The following TTC13 variants were observed in gnomAD, a reference collection of about 807,000 sequenced individuals.
TTC13 encodes tetratricopeptide repeat protein 13.
In TTC13, 62 loss-of-function variants were observed where a neutral mutation model predicts 120.0. The observed-to-expected ratio is 0.52, with a 90% CI of 0.42 to 0.64. The LOEUF (loss-of-function observed/expected upper bound fraction) is 0.64, where lower values mean the gene tolerates loss of function less well. Among genes scored for constraint, TTC13 ranks in the 30% least tolerant of loss-of-function variants. The pLI is 0.00. For synonymous variants in TTC13, 384 were observed against 393.5 expected, an observed-to-expected ratio of 0.98 and a Z score of 0.28; for missense variants, 824 against 1,050.2, an observed-to-expected ratio of 0.78 and a Z score of 2.98.
chr1:230,934,760 CT>C (rs1374348666), intron 8 of TTC13, among the ~76,000 whole-genome samples: 1 of 152,214 alleles, frequency 6.6e-6, no homozygotes, highest in Non-Finnish European at 1.5e-5. Context: ...GCATCATGAT[CT>C]CTAATCGCTT....
chr1:230,928,915 C>A (rs770523454), intron 12 of TTC13, 22 bp downstream of exon 12: 3 of 1,610,656 alleles, frequency 1.9e-6, no homozygotes, highest in African/African-American at 1.3e-5. Context: ...AAAAAAAAAT[C>A]ATCTTCATTT....
intron 22 of TTC13, 37 bp downstream of exon 22, chr1:230,908,675 T>C: frequency 6.4e-7 from 1 of 1,572,380 alleles, no homozygotes; most frequent in Middle Eastern, 1.7e-4. Context: ...CTCCTCCAGT[T>C]ATGATACCCT....
intron 17 of TTC13, among the ~76,000 whole-genome samples, chr1:230,919,929 C>G (rs1047006648): frequency 2.6e-5 from 4 of 152,210 alleles, no homozygotes; most frequent in Non-Finnish European, 4.4e-5. Context: ...TGACCAAGGT[C>G]TTAGTCAAGG....
At chr1:230,914,479 C>A (rs1284289407) in intron 18 of TTC13, among the ~76,000 whole-genome samples, 3 of 152,086 alleles carry the variant, frequency 2.0e-5, no homozygotes, top group African/African-American at 7.2e-5. Context: ...ACTGCAACCT[C>A]CCCGTCATGG....
intron 4 of TTC13, among the ~76,000 whole-genome samples, chr1:230,949,804 C>A (rs556554606): frequency 6.6e-6 from 1 of 152,154 alleles, no homozygotes; most frequent in African/African-American, 2.4e-5. Context: ...AGCCACCATG[C>A]CCAGCTAATT....
At chr1:230,909,931 C>T (rs938673203) in intron 20 of TTC13, among the ~76,000 whole-genome samples, 1 of 152,118 alleles carries the variant, frequency 6.6e-6, no homozygotes, top group Admixed American at 6.5e-5. Context: ...TGTGCTTCTG[C>T]TCTTGGTGAG....
At chr1:230,928,893 T>C (rs1433038899) in intron 12 of TTC13, 44 bp downstream of exon 12, 1 of 1,603,600 alleles carries the variant, frequency 6.2e-7, no homozygotes, top group Non-Finnish European at 8.5e-7. Flanking sequence ...TATAGCTCAG[T>C]TTTGAGAAAG....
At chr1:230,918,518 G>C (rs1462175751) in intron 17 of TTC13, among the ~76,000 whole-genome samples, 1 of 152,142 alleles carries the variant, frequency 6.6e-6, no homozygotes, top group Non-Finnish European at 1.5e-5. Flanking sequence ...TTTAGGAGGT[G>C]AGACATATTC....
chr1:230,962,431 T>A (rs1676732224), intron 1 of TTC13, among the ~76,000 whole-genome samples: 1 of 151,992 alleles, frequency 6.6e-6, no homozygotes, highest in Non-Finnish European at 1.5e-5. Flanking sequence ...AGGATGGCTA[T>A]AACCAAAAAG....
Position 230,929,085 on chromosome 1 carries a change from G to T in TTC13, c.1309C>A (p.Arg437=), listed in dbSNP as rs773412202. The T allele has an allele frequency of 6.8e-6, 11 of 1,613,496 alleles. No individual in the cohort carries two copies. In the South Asian group the frequency reaches 1.2e-4, roughly 18 times the overall value. ...GTATCAAGGTGTGCATGAAGATATC[G>T]AGAATACTCTGCAGAAAGGAAATGA... The part of the protein sequence containing the change: ...LKVKYLREYS[R]YLHAHLDTPL... The change falls in exon 12 of 23, where the codon CGA becomes AGA. Residue 437 remains arginine, a synonymous_variant. Coordinates refer to ENST00000366661, the MANE Select transcript of TTC13 (RefSeq NM_024525.5).
intron 3 of TTC13, among the ~76,000 whole-genome samples, chr1:230,954,644 A>G (rs1377551889): frequency 6.6e-6 from 1 of 152,214 alleles, no homozygotes; most frequent in Non-Finnish European, 1.5e-5. Flanking sequence ...ATATCTGCCT[A>G]CAAGAGATAC....
intron 4 of TTC13, 89 bp downstream of exon 4, chr1:230,954,242 CAT>C: frequency 2.3e-6 from 2 of 863,482 alleles, no homozygotes; most frequent in Non-Finnish European, 3.7e-6. Context: ...AATTTAAAAA[CAT>C]GTCGTATTAC....
intron 20 of TTC13, 151 bp downstream of exon 20, chr1:230,911,319 G>A (rs896017363): frequency 2.6e-5 from 14 of 537,316 alleles, no homozygotes; most frequent in Non-Finnish European, 3.9e-5. Context: ...ATAGACTAAG[G>A]AAATATTTTT....
At chr1:230,916,407 C>T in intron 17 of TTC13, 105 bp from the exon 18 acceptor site, 1 of 847,428 alleles carries the variant, frequency 1.2e-6, no homozygotes, top group Non-Finnish European at 2.0e-6. Flanking sequence ...TAAAAAGGGC[C>T]AAGGAGGTCA....
rs750974366 is a variant in TTC13, at chr1:230,908,737, C to A, written c.2443G>T (p.Ala815Ser). The change falls in exon 22 of 23, where the codon GCC becomes TCC. Residue 815 changes from alanine (A) to serine (S), a missense_variant. By Grantham distance (99) the Ala-to-Ser change is moderately conservative (BLOSUM62 1). Around this residue, in one of 4 missense-constraint regions of TTC13, gnomAD observed 226 missense variants for 259.1 expected, o/e 0.87. Transcript: ENST00000366661. ...CTTTTCAAGTTCATCCAGCTTTTGGCGACTTTGCTAAAGGCCTCTGAACCA... is the reference window on the plus strand; with the variant it reads ...CTTTTCAAGTTCATCCAGCTTTTGGAGACTTTGCTAAAGGCCTCTGAACCA... ...APGSEAFSKV[A>S]KSWMNLKSIS... 16 of 1,613,318 alleles carry A rather than the reference C, an allele frequency of 9.9e-6. No homozygotes were observed. Among genetic ancestry groups the A allele is most frequent in the Non-Finnish European group, 1.2e-5 (14 of 1,179,446 alleles).
chr1:230,948,434 T>G (rs12564991), intron 4 of TTC13, among the ~76,000 whole-genome samples: 57,856 of 139,640 alleles, frequency 0.41, 13,529 homozygotes, highest in Admixed American at 0.53. Context: ...TCTAAATGGC[T>G]CTGCAGAAAA....
At chr1:230,955,670 C>CAAAAAAAAA (rs34027679) in intron 3 of TTC13, among the ~76,000 whole-genome samples, 1 of 106,032 alleles carries the variant, frequency 9.4e-6, no homozygotes, top group African/African-American at 3.8e-5. Flanking sequence ...GACTCCATCT[C>CAAAAAAAAA]AAAAAAAAAA....
At position 230,944,463 on chromosome 1, in the gene TTC13, A is replaced by T. The variant is rs1206541179; in HGVS notation, c.580-565T>A. Among the ~76,000 whole-genome samples the T allele has an allele frequency of 6.6e-6, 1 of 152,166 alleles. No homozygotes were observed. The highest frequency in any genetic ancestry group is 1.5e-5 in the Non-Finnish European group (1 of 68,036). On this transcript the variant is annotated intron_variant, in intron 5 of 22. Coordinates refer to ENST00000366661, the MANE Select transcript of TTC13 (RefSeq NM_024525.5). The surrounding 1 kb of genome is among the most constrained non-coding windows in gnomAD (Gnocchi z 4.0). The stretch of plus-strand genomic sequence containing the variant: ...GAGAATTAGGAAGAGGCAGCTCTGA[A>T]CTTTACTACTGCAACTTCAACCTGG...
In TTC13 at chr1:230,924,852, A is replaced by T; in HGVS notation, c.1710T>A (p.Val570=). 1 of 1,614,176 alleles carries T rather than the reference A, an allele frequency of 6.2e-7. No individual in the cohort carries two copies. Among genetic ancestry groups the T allele is most frequent in the Non-Finnish European group, 8.5e-7 (1 of 1,180,018 alleles). The change falls in exon 14 of 23, where the codon GTT becomes GTA. Residue 570 remains valine, a synonymous_variant. Transcript: ENST00000366661. ...GAGATGTTAGTTACCTTCTCCATTT[A>T]ACTGCAATGTCAAACATGTCTCTCC... ...MQWRDMFDIA[V]KWRRIADPDQ... is the part of the protein sequence containing the mutation.
Sources: allele counts gnomAD v4.1 joint callset (sites outside exome capture counted in the v4.1 genomes callset), GRCh38; gene constraint gnomAD v4.1.1; regional missense constraint gnomAD v4.1.1; non-coding constraint Gnocchi (gnomAD v3.1); transcripts MANE v1.5; gene names NCBI Gene and HGNC (gene_info 2026-07-23, HGNC 2026-07-21).